Variants in SUPT3H observed in about 807,000 individuals in gnomAD.
The protein encoded by SUPT3H is transcription initiation protein SPT3 homolog.
SUPT3H carries 44 observed loss-of-function variants against 44.3 expected under a neutral mutation model. The observed-to-expected ratio is 0.99, with a 90% CI of 0.78 to 1.28. SUPT3H has a LOEUF of 1.28. SUPT3H is among the 50% of genes most tolerant of loss of function. The probability of loss-of-function intolerance (pLI) is 0.00; values close to 1 mark genes in which losing one functional copy is unlikely to be tolerated. For synonymous variants in SUPT3H, 124 were observed against 125.6 expected (o/e 0.99, Z 0.09); for missense variants, 380 against 387.1 (o/e 0.98, Z 0.15).
intron 2 of SUPT3H, among the ~76,000 whole-genome samples, chr6:45,291,006 C>G (rs1584742322): frequency 2.0e-5 from 3 of 152,136 alleles, no homozygotes; most frequent in East Asian, 1.9e-4. Context: ...ATCAGGAAAC[C>G]TGAAAGGACC....
chr6:45,364,177 A>C (rs541887594), intron 2 of SUPT3H, among the ~76,000 whole-genome samples: 1 of 152,140 alleles, frequency 6.6e-6, no homozygotes, highest in South Asian at 2.1e-4. Context: ...AACCCTCATA[A>C]ACAAATATTC....
intron 2 of SUPT3H, among the ~76,000 whole-genome samples, chr6:45,200,036 C>CAACCAA (rs1762234347): frequency 6.6e-6 from 1 of 151,382 alleles, no homozygotes; most frequent in Non-Finnish European, 1.5e-5. Flanking sequence ...TACACCCCAT[C>CAACCAA]AACCAAATCA....
At chr6:44,849,572 G>C (rs1772526949) in intron 10 of SUPT3H, among the ~76,000 whole-genome samples, 1 of 152,152 alleles carries the variant, frequency 6.6e-6, no homozygotes, top group African/African-American at 2.4e-5. Flanking sequence ...ATAATCATGA[G>C]GATCTGGAGA....
chr6:45,219,196 A>G (rs1002301348), intron 2 of SUPT3H, among the ~76,000 whole-genome samples: 2 of 152,232 alleles, frequency 1.3e-5, no homozygotes, highest in East Asian at 1.9e-4. Context: ...AAGAAAGTAG[A>G]AAAAAAGCAA....
intron 2 of SUPT3H, among the ~76,000 whole-genome samples, chr6:45,363,859 T>C (rs1794685762): frequency 6.6e-6 from 1 of 151,940 alleles, no homozygotes; most frequent in Non-Finnish European, 1.5e-5. Context: ...TATTAACATA[T>C]AACAGGTTTA....
intron 10 of SUPT3H, among the ~76,000 whole-genome samples, chr6:44,886,701 T>C (rs1463174021): frequency 2.0e-5 from 3 of 152,212 alleles, no homozygotes; most frequent in Admixed American, 6.5e-5. Context: ...AGGAAGAAAC[T>C]GCATCAACTA....
intron 3 of SUPT3H, among the ~76,000 whole-genome samples, chr6:45,093,273 T>C (rs7750753): frequency 0.97 from 148,384 of 152,210 alleles, 72,378 homozygotes; most frequent in Middle Eastern, 1. Flanking sequence ...GTTAAAATTT[T>C]GTAAGTTAAA....
chr6:45,276,622 T>C (rs1479014560), intron 2 of SUPT3H, among the ~76,000 whole-genome samples: 1 of 152,204 alleles, frequency 6.6e-6, no homozygotes, highest in African/African-American at 2.4e-5. Context: ...TAGATTAAAG[T>C]GATGGCACAC....
At chr6:44,914,096 T>A (rs561545890) in intron 10 of SUPT3H, among the ~76,000 whole-genome samples, 19 of 152,302 alleles carry the variant, frequency 1.2e-4, no homozygotes, top group South Asian at 1.0e-3. Flanking sequence ...TACATTTTTT[T>A]AAAAAATTGC....
intron 3 of SUPT3H, among the ~76,000 whole-genome samples, chr6:45,105,717 AT>A (rs1799181268): frequency 6.6e-6 from 1 of 152,236 alleles, no homozygotes. Flanking sequence ...TGATTGTGTT[AT>A]AAGTTAATAT....
At chr6:45,033,180 C>T (rs987812896) in intron 3 of SUPT3H, among the ~76,000 whole-genome samples, 10 of 152,074 alleles carry the variant, frequency 6.6e-5, no homozygotes, top group African/African-American at 2.4e-4. Context: ...AATATAGTAA[C>T]AGCCCAACAT....
Position 45,230,687 on chromosome 6 carries a change from T to TA in SUPT3H, c.102-124682_102-124681insT, listed in dbSNP as rs1562747092. On this transcript the variant is annotated intron_variant, in intron 2 of 10. Coordinates refer to ENST00000371459, the MANE Select transcript of SUPT3H (RefSeq NM_003599.4). ...CTATATATATATATATATATATATA[T>TA]TTTTGAGATGGAGTCTTGCTCTATC... Among the ~76,000 whole-genome samples the TA allele has an allele frequency of 3.5e-4, 35 of 99,698 alleles. 1 individual carries two copies. In the East Asian group the frequency reaches 3.7e-3, roughly 11 times the overall value. The allele number at this position is 99,698 out of a possible 152,430, so 65.4% of individuals were successfully genotyped here. A position where few individuals can be genotyped will look rare whatever the true frequency, so the allele number is the denominator to read the frequency against.
At chr6:45,321,969 A>T in intron 2 of SUPT3H, 1 of 886,298 alleles carries the variant, frequency 1.1e-6, no homozygotes. Context: ...TTCATTAATC[A>T]TCAAGTAAAA....
chr6:44,985,652 G>A (rs1254217998), intron 6 of SUPT3H, among the ~76,000 whole-genome samples: 9 of 152,172 alleles, frequency 5.9e-5, no homozygotes, highest in Middle Eastern at 6.8e-3. Flanking sequence ...CCAGTATTAC[G>A]CAAAATTCTG....
downstream of SUPT3H, among the ~76,000 whole-genome samples, chr6:44,822,937 G>A (rs893144554): frequency 6.6e-6 from 1 of 151,880 alleles, no homozygotes; most frequent in African/African-American, 2.4e-5. Context: ...TTCCAACATG[G>A]TGAAACCCTG....
chr6:45,110,355 G>A (rs575261697), intron 2 of SUPT3H, among the ~76,000 whole-genome samples: 1 of 152,206 alleles, frequency 6.6e-6, no homozygotes, highest in South Asian at 2.1e-4. Flanking sequence ...GAGGATGAAT[G>A]CTGAACAAAA....
intron 2 of SUPT3H, among the ~76,000 whole-genome samples, chr6:45,248,673 T>C (rs1197327439): frequency 6.6e-6 from 1 of 152,140 alleles, no homozygotes; most frequent in Non-Finnish European, 1.5e-5. Flanking sequence ...TCCCAGCACT[T>C]TGGGAGGCCA....
At chr6:45,324,616 A>G (rs1341768730) in intron 2 of SUPT3H, among the ~76,000 whole-genome samples, 1 of 144,400 alleles carries the variant, frequency 6.9e-6, no homozygotes, top group Non-Finnish European at 1.5e-5. Context: ...AGAGATTGGT[A>G]GAGAGAGAGA....
intron 10 of SUPT3H, among the ~76,000 whole-genome samples, chr6:44,886,484 C>T (rs904921258): frequency 2.6e-5 from 4 of 152,104 alleles, no homozygotes; most frequent in African/African-American, 2.4e-5. Flanking sequence ...AAGAAAAGAA[C>T]TTTCAACCCA....
Sources: allele counts gnomAD v4.1 joint callset (sites outside exome capture counted in the v4.1 genomes callset), GRCh38; gene constraint gnomAD v4.1.1; transcripts MANE v1.5; gene names NCBI Gene and HGNC (gene_info 2026-07-23, HGNC 2026-07-21).